The following PDE1C variants were observed in gnomAD, a reference collection of about 807,000 sequenced individuals.
The protein encoded by PDE1C is dual specificity calcium/calmodulin-dependent 3',5'-cyclic nucleotide phosphodiesterase 1C.
A neutral mutation model predicts 93.1 loss-of-function variants in PDE1C; 62 were observed. The ratio of observed to expected loss-of-function variants is 0.67; its 90% confidence interval spans 0.54 to 0.82. The LOEUF (loss-of-function observed/expected upper bound fraction) is 0.82, where lower values mean the gene tolerates loss of function less well. Among genes scored for constraint, PDE1C ranks in the 40% least tolerant of loss-of-function variants. The pLI is 0.00. For missense variants in PDE1C, 742 were observed against 884.6 expected, an observed-to-expected ratio of 0.84 and a Z score of 2.04; for synonymous variants, 325 against 310.1, an observed-to-expected ratio of 1.05 and a Z score of -0.50.
At chr7:32,232,305 G>A (rs1048516846) in intron 1 of PDE1C, among the ~76,000 whole-genome samples, 1 of 152,148 alleles carries the variant, frequency 6.6e-6, no homozygotes, top group Non-Finnish European at 1.5e-5. Context: ...TTGGGAAACA[G>A]ATATTCTAAT....
the PDE1C span, among the ~76,000 whole-genome samples, chr7:31,664,974 G>C: frequency 6.6e-6 from 1 of 152,146 alleles, no homozygotes; most frequent in Non-Finnish European, 1.5e-5. Context: ...AGGCTCTTCA[G>C]TACATTTAAA....
chr7:31,782,650 A>G (rs1457723424), intron 16 of PDE1C, among the ~76,000 whole-genome samples: 1 of 152,208 alleles, frequency 6.6e-6, no homozygotes, highest in African/African-American at 2.4e-5. Flanking sequence ...TGGATGCCAT[A>G]AAGGATGTAA....
At chr7:32,339,963 C>T (rs1342045172) in intron 1 of PDE1C, among the ~76,000 whole-genome samples, 3 of 152,090 alleles carry the variant, frequency 2.0e-5, no homozygotes, top group African/African-American at 7.2e-5. Flanking sequence ...TGAGCAGGTG[C>T]AGAGTTGGTG....
At chr7:32,249,939 A>C (rs1004578336) in intron 1 of PDE1C, among the ~76,000 whole-genome samples, 2 of 152,208 alleles carry the variant, frequency 1.3e-5, no homozygotes, top group African/African-American at 2.4e-5. Flanking sequence ...ATAAATACAA[A>C]ATATACATTT....
chr7:32,036,738 A>C lies in PDE1C; in HGVS notation c.128+14816T>G, dbSNP rs953623840. ...TTCCTTGAAAAACCACAACTTAACC[A>C]AGAATGACTCAACAAGAAATAGAAA... On this transcript the variant is annotated intron_variant, in intron 2 of 17. Coordinates refer to ENST00000396191, the MANE Select transcript of PDE1C (RefSeq NM_001191057.4). Among the ~76,000 whole-genome samples, 10 of 152,298 alleles carry C rather than the reference A, an allele frequency of 6.6e-5. 1 individual carries two copies. Among genetic ancestry groups the C allele is most frequent in the South Asian group, 4.1e-4 (2 of 4,820 alleles).
the PDE1C span, chr7:31,642,940 TG>T: frequency 6.2e-6 from 10 of 1,613,962 alleles, no homozygotes; most frequent in Non-Finnish European, 8.5e-6. Context: ...AGACATGGCC[TG>T]TGCCAAGACC....
In PDE1C at chr7:31,997,980, A is replaced by C. The variant is rs916265861; in HGVS notation, c.128+53574T>G. ...AAATGCCTCTATGTGGCTGTTAGAA[A>C]CATCTTATTTTTATTTTATTTTATT... is the stretch of plus-strand genomic sequence containing the variant. On this transcript the variant is annotated intron_variant, in intron 2 of 17. Coordinates refer to ENST00000396191, the MANE Select transcript of PDE1C (RefSeq NM_001191057.4). 3.4e-5 allele frequency among the ~76,000 whole-genome samples: 5 copies of C among 148,344 alleles called. No homozygotes were observed. The East Asian group carries it at 1.0e-3, about 30-fold the overall frequency.
chr7:32,382,817 A>C (rs966164812), intron 1 of PDE1C, among the ~76,000 whole-genome samples: 1 of 152,240 alleles, frequency 6.6e-6, no homozygotes, highest in Non-Finnish European at 1.5e-5. Context: ...AATGGGAACC[A>C]GTCCACGCGA....
chr7:32,034,390 T>TGATTTGTGCTGCACA (rs1386380235), intron 2 of PDE1C, among the ~76,000 whole-genome samples: 4 of 152,092 alleles, frequency 2.6e-5, no homozygotes, highest in Non-Finnish European at 4.4e-5. Flanking sequence ...GAAGAAAAGC[T>TGATTTGTGCTGCACA]GATTTGTGCT....
intron 8 of PDE1C, among the ~76,000 whole-genome samples, chr7:31,849,663 A>G (rs1319977925): frequency 1.3e-5 from 2 of 152,162 alleles, no homozygotes; most frequent in African/African-American, 4.8e-5. Context: ...AAGTGAAATC[A>G]GCAAGTATTT....
At chr7:32,150,510 C>T (rs1165179168) in intron 3 of PDE1C, among the ~76,000 whole-genome samples, 2 of 152,170 alleles carry the variant, frequency 1.3e-5, no homozygotes, top group East Asian at 3.9e-4. Flanking sequence ...CTCACACCTT[C>T]CTGATGGGCA....
intron 1 of PDE1C, among the ~76,000 whole-genome samples, chr7:32,259,792 C>A (rs1810069581): frequency 6.6e-6 from 1 of 152,170 alleles, no homozygotes; most frequent in Non-Finnish European, 1.5e-5. Flanking sequence ...ACACTGCCCA[C>A]AGAGGCCACC....
intron 2 of PDE1C, among the ~76,000 whole-genome samples, chr7:31,931,582 T>C (rs1367886973): frequency 1.3e-5 from 2 of 152,060 alleles, no homozygotes; most frequent in Non-Finnish European, 1.5e-5. Context: ...TTCAAGGAAA[T>C]AAGAGAGCAC....
chr7:32,261,742 A>G (rs1323358724), intron 1 of PDE1C, among the ~76,000 whole-genome samples: 1 of 152,244 alleles, frequency 6.6e-6, no homozygotes, highest in Non-Finnish European at 1.5e-5. Flanking sequence ...TATAGTTAGA[A>G]CAATGTGAAT....
intron 1 of PDE1C, among the ~76,000 whole-genome samples, chr7:32,425,359 C>T (rs148025688): frequency 7.9e-5 from 12 of 152,156 alleles, no homozygotes; most frequent in South Asian, 2.1e-4. Flanking sequence ...TCTTCAAAGA[C>T]GTGAGCTCAA....
intron 2 of PDE1C, among the ~76,000 whole-genome samples, chr7:31,988,772 G>A (rs530781530): frequency 1.1e-4 from 17 of 152,140 alleles, no homozygotes; most frequent in African/African-American, 3.1e-4. Flanking sequence ...TGAGACGGGC[G>A]GATCATGAGG....
intron 1 of PDE1C, among the ~76,000 whole-genome samples, chr7:32,356,078 A>T (rs750030450): frequency 6.6e-6 from 1 of 152,250 alleles, no homozygotes; most frequent in Admixed American, 6.5e-5. Flanking sequence ...CAATGGAGAA[A>T]CCAAGAAACA....
rs150245670 is a variant in PDE1C at position 32,112,804 on chromosome 7, A to ATGTGTG, written c.308+56975_308+56980dup. Among the ~76,000 whole-genome samples, 317 of 66,576 alleles carry ATGTGTG rather than the reference A, an allele frequency of 4.8e-3. 3 individuals are homozygous for ATGTGTG. Among genetic ancestry groups the ATGTGTG allele is most frequent in the South Asian group, 0.025 (47 of 1,886 alleles). 43.7% of individuals were successfully genotyped at this position (66,576 alleles called of 152,430 possible). On this transcript the variant is annotated intron_variant, in intron 3 of 18. Coordinates refer to the PDE1C transcript ENST00000396193. ...ACATATAAAACATATATATACATATATGTGTGTGTGTGTGTGTGTGTGTGT... is the reference window on the plus strand; with the variant it reads ...ACATATAAAACATATATATACATATATGTGTGTGTGTGTGTGTGTGTGTGTGTGTGT...
chr7:32,070,238 T>C (rs183858827), intron 1 of PDE1C, 55 bp downstream of exon 1: 1,012 of 1,610,582 alleles, frequency 6.3e-4, no homozygotes, highest in Admixed American at 1.3e-3. Flanking sequence ...GGCTGTGTGG[T>C]AAAATAAGGA....
Sources: allele counts gnomAD v4.1 joint callset (sites outside exome capture counted in the v4.1 genomes callset), GRCh38; gene constraint gnomAD v4.1.1; transcripts MANE v1.5; gene names NCBI Gene and HGNC (gene_info 2026-07-23, HGNC 2026-07-21).